The following HDGFL3 variants were observed in gnomAD, a reference collection of about 807,000 sequenced individuals.
HDGFL3 encodes HDGF like 3, also known as hepatoma-derived growth factor-related protein 3.
Under a neutral mutation model 27.6 loss-of-function variants are expected in HDGFL3, and 6 were observed. The ratio of observed to expected loss-of-function variants is 0.22; its 90% CI spans 0.12 to 0.43. The LOEUF is 0.43. Among genes scored for constraint, HDGFL3 ranks in the 20% least tolerant of loss-of-function variants. The pLI, the probability that HDGFL3 is intolerant of heterozygous loss-of-function variation, is 1.00. For synonymous variants in HDGFL3, 88 were observed against 88.9 expected (o/e 0.99, Z 0.05); for missense variants, 207 against 250.1 (o/e 0.83, Z 1.16).
At chr15:83,186,421 A>T (rs554312067) in intron 1 of HDGFL3, among the ~76,000 whole-genome samples, 1 of 152,320 alleles carries the variant, frequency 6.6e-6, no homozygotes, top group African/African-American at 2.4e-5. Flanking sequence ...TTTCCATTCT[A>T]AGTCTCATTT....
intron 1 of HDGFL3, among the ~76,000 whole-genome samples, chr15:83,203,604 G>T (rs960852839): frequency 6.6e-6 from 1 of 151,994 alleles, no homozygotes; most frequent in Non-Finnish European, 1.5e-5. Flanking sequence ...AATCTCTTCG[G>T]AAGTTAAGAA....
At chr15:83,186,783 T>C (rs1028516061) in intron 1 of HDGFL3, among the ~76,000 whole-genome samples, 2 of 152,114 alleles carry the variant, frequency 1.3e-5, no homozygotes, top group African/African-American at 2.4e-5. Context: ...CTGGGTACAA[T>C]GCATACTCAG....
chr15:83,130,112 A>G lies in HDGFL3; in HGVS notation c.*9158T>C, dbSNP rs1330786182. ...GCAGGAATGCTAAGTGTCATCAGCC[A>G]GCAGGCTGGTTAAAGAGACCAGATG... On this transcript the variant is annotated 3_prime_UTR_variant, in exon 6 of 6. Transcript: ENST00000299633. 2.0e-5 allele frequency: 3 copies of G among 152,384 alleles called. No homozygotes were observed. In the East Asian group the frequency reaches 5.8e-4, roughly 29 times the overall value. The allele number at this position is 152,384 out of a possible 1,614,324, so 9.4% of individuals were successfully genotyped here.
chr15:83,139,606 G>T (rs900249521), intron 5 of HDGFL3, among the ~76,000 whole-genome samples: 5 of 152,206 alleles, frequency 3.3e-5, no homozygotes, highest in Non-Finnish European at 5.9e-5. Flanking sequence ...CATCAGTGGA[G>T]AAATTGATAT....
rs1272082695 is a variant in HDGFL3, at chr15:83,207,009, C to G, written c.84+322G>C. ...TGACCCTGCCCGGAGCCGAAGCCTC[C>G]GTCGCAGGCCCGCTGCCCGGCGGCG... On this transcript the variant is annotated intron_variant, in intron 1 of 5. Coordinates refer to ENST00000299633, the MANE Select transcript of HDGFL3 (RefSeq NM_016073.4). The surrounding 1 kb of genome is among the most constrained non-coding windows in gnomAD (Gnocchi z 4.8). 6.6e-6 allele frequency among the ~76,000 whole-genome samples: 1 copy of G among 152,232 alleles called. No homozygotes were observed. Among genetic ancestry groups the G allele is most frequent in the African/African-American group, 2.4e-5 (1 of 41,472 alleles).
intron 1 of HDGFL3, among the ~76,000 whole-genome samples, chr15:83,165,130 C>G (rs2037153875): frequency 1.3e-5 from 2 of 152,214 alleles, no homozygotes; most frequent in African/African-American, 4.8e-5. Flanking sequence ...CTTCCCCTCT[C>G]TACCTCAAAC....
chr15:83,183,105 A>G (rs1001974852), intron 1 of HDGFL3, among the ~76,000 whole-genome samples: 2 of 152,354 alleles, frequency 1.3e-5, no homozygotes, highest in Admixed American at 1.3e-4. Context: ...AAGTCAACAG[A>G]TATTATCTAG....
At chr15:83,202,418 G>A (rs773582335) in intron 1 of HDGFL3, among the ~76,000 whole-genome samples, 23 of 152,046 alleles carry the variant, frequency 1.5e-4, no homozygotes, top group Non-Finnish European at 2.5e-4. Context: ...ACTGATGCAG[G>A]TAAACAAACC....
At chr15:83,187,320 A>AAATCTTCCCCCAGACTTACTCTTCCT (rs1567175894) in intron 1 of HDGFL3, among the ~76,000 whole-genome samples, 5 of 152,034 alleles carry the variant, frequency 3.3e-5, no homozygotes, top group African/African-American at 1.2e-4. Context: ...TACAAATGTT[A>AAATCTTCCCCCAGACTTACTCTTCCT]CACGGGCAGA....
intron 1 of HDGFL3, among the ~76,000 whole-genome samples, chr15:83,166,301 C>A (rs537335715): frequency 1.3e-5 from 2 of 152,240 alleles, no homozygotes; most frequent in African/African-American, 4.8e-5. Flanking sequence ...GGCCTATTTC[C>A]AGCATTCTAA....
Position 83,135,100 on chromosome 15 carries a change from A to G in HDGFL3, c.*4170T>C, listed in dbSNP as rs2036523040. 6.6e-6 allele frequency: 1 copy of G among 152,198 alleles called. No homozygotes were observed. The highest frequency in any genetic ancestry group is 2.4e-5 in the African/African-American group (1 of 41,448). 9.4% of individuals were successfully genotyped at this position (152,198 alleles called of 1,614,324 possible). Reference sequence around the variant, plus strand: ...ACGTGCTGGTCCTTGGCAATACATCATGCTAATTTAATTTATATCTCCAGA... The same window carrying G: ...ACGTGCTGGTCCTTGGCAATACATCGTGCTAATTTAATTTATATCTCCAGA... On this transcript the variant is annotated 3_prime_UTR_variant, in exon 6 of 6. Coordinates refer to ENST00000299633, the MANE Select transcript of HDGFL3 (RefSeq NM_016073.4).
chr15:83,188,910 CCTAAT>C (rs776276618), intron 1 of HDGFL3, among the ~76,000 whole-genome samples: 29 of 152,130 alleles, frequency 1.9e-4, no homozygotes, highest in Non-Finnish European at 3.1e-4. Context: ...CATCTTGTGG[CCTAAT>C]CTACTTAGCT....
chr15:83,159,183 G>A (rs1454294886), intron 2 of HDGFL3, among the ~76,000 whole-genome samples: 1 of 151,970 alleles, frequency 6.6e-6, no homozygotes, highest in Non-Finnish European at 1.5e-5. Context: ...TGTTTAATGA[G>A]GCACTAAGAA....
intron 1 of HDGFL3, among the ~76,000 whole-genome samples, chr15:83,169,906 T>G (rs1291040726): frequency 6.6e-6 from 1 of 152,128 alleles, no homozygotes; most frequent in Non-Finnish European, 1.5e-5. Flanking sequence ...CAAAAATCAG[T>G]AGCACTTCTA....
chr15:83,187,211 G>A (rs1354713711), intron 1 of HDGFL3, among the ~76,000 whole-genome samples: 3 of 148,106 alleles, frequency 2.0e-5, no homozygotes, highest in African/African-American at 7.9e-5. Context: ...TGAGTAAGTG[G>A]AGGCTTACCG....
chr15:83,147,123 T>C (rs774767241), intron 5 of HDGFL3, among the ~76,000 whole-genome samples: 2 of 151,936 alleles, frequency 1.3e-5, no homozygotes, highest in African/African-American at 4.8e-5. Context: ...AGTGCAGTGA[T>C]GTAATCTCAG....
intron 3 of HDGFL3, chr15:83,119,830 T>A: frequency 2.3e-6 from 3 of 1,282,838 alleles, no homozygotes; most frequent in Non-Finnish European, 3.2e-6. Context: ...CGTGGCTTTA[T>A]CCTCCTTGTA....
chr15:83,175,436 A>G (rs2037297210), intron 1 of HDGFL3, among the ~76,000 whole-genome samples: 1 of 152,214 alleles, frequency 6.6e-6, no homozygotes, highest in Admixed American at 6.5e-5. Context: ...TACACCTCCC[A>G]GGCACAGTTT....
Position 83,134,783 on chromosome 15 carries a change from C to T in HDGFL3, c.*4487G>A, listed in dbSNP as rs771730647. 6 of 152,232 alleles carry T rather than the reference C, an allele frequency of 3.9e-5. No individual in the cohort carries two copies. The highest frequency in any genetic ancestry group is 8.8e-5 in the Non-Finnish European group (6 of 68,058). The allele number at this position is 152,232 out of a possible 1,614,324, so 9.4% of individuals were successfully genotyped here. A position where few individuals can be genotyped will look rare whatever the true frequency, so the allele number is the denominator to read the frequency against. On this transcript the variant is annotated 3_prime_UTR_variant, in exon 6 of 6. Coordinates refer to ENST00000299633, the MANE Select transcript of HDGFL3 (RefSeq NM_016073.4). ...TCTGAGAACCAGGGATCAAATGTGG[C>T]TTCCAGTCCAGAGAAAATGCTTGGT...
Sources: gnomAD v4.1 joint callset for allele counts (sites outside exome capture counted in the v4.1 genomes callset) on GRCh38, gnomAD v4.1.1 for gene constraint, Gnocchi (gnomAD v3.1) non-coding constraint, MANE v1.5 for transcripts, NCBI Gene and HGNC (gene_info 2026-07-23, HGNC 2026-07-21) for gene names.